Variants in MRGPRF observed in about 807,000 individuals in gnomAD.
MRGPRF encodes MAS related GPR family member F.
In MRGPRF, 2 loss-of-function variants were observed where a neutral mutation model predicts 3.3. The observed-to-expected ratio is 0.61, with a 90% confidence interval of 0.25 to 1.92. The LOEUF (loss-of-function observed/expected upper bound fraction) is 1.92, where lower values mean the gene tolerates loss of function less well. MRGPRF is among the 40% of genes most tolerant of loss of function. The pLI, the probability that MRGPRF is intolerant of heterozygous loss-of-function variation, is 0.16. For missense variants in MRGPRF, 500 were observed against 476.0 expected (o/e 1.05, Z -0.47); for synonymous variants, 242 against 222.7 (o/e 1.09, Z -0.77).
chr11:69,011,056 G>T (rs902555992), intron 1 of MRGPRF, among the ~76,000 whole-genome samples: 3 of 152,152 alleles, frequency 2.0e-5, no homozygotes, highest in Non-Finnish European at 4.4e-5. Context: ...CAAGGGGAGA[G>T]CTGGGCATCC....
In MRGPRF at chr11:69,005,950, C is replaced by A; in HGVS notation, c.360G>T (p.Arg120=). The part of the protein sequence containing the change: ...TFADYIRSVC[R]VLGLCMFLTG... ...TAAGGAACATGCAGAGCCCCAGGACCCGGCACACGCTGCGGATGTAGTCGG... is the reference window on the plus strand; with the variant it reads ...TAAGGAACATGCAGAGCCCCAGGACACGGCACACGCTGCGGATGTAGTCGG... Residue 120 remains arginine (R), a synonymous_variant, in exon 3 of 3, where the codon CGG becomes CGT. Coordinates refer to ENST00000309099, the MANE Select transcript of MRGPRF (RefSeq NM_145015.5). The A allele has an allele frequency of 6.4e-7, 1 of 1,570,760 alleles. No individual in the cohort carries two copies. The highest frequency in any genetic ancestry group is 2.3e-5 in the East Asian group (1 of 42,832).
At position 69,004,926 on chromosome 11, in the gene MRGPRF, G is replaced by A. The variant is rs1235403407; in HGVS notation, c.*352C>T. 3 of 257,356 alleles carry A rather than the reference G, an allele frequency of 1.2e-5. No homozygotes were observed. The highest frequency in any genetic ancestry group is 6.8e-5 in the African/African-American group (3 of 44,394). The allele number at this position is 257,356 out of a possible 1,614,324, so 15.9% of individuals were successfully genotyped here. A position where few individuals can be genotyped will look rare whatever the true frequency, so the allele number is the denominator to read the frequency against. ...GTGCTGGCTGGGACACAGTCAAGGA[G>A]GGCTGACCCAAGAGGCAGAGGTGGC... On this transcript the variant is annotated 3_prime_UTR_variant, in exon 3 of 3. Transcript: ENST00000309099.
At chr11:69,011,456 C>T (rs1860596280) in intron 1 of MRGPRF, among the ~76,000 whole-genome samples, 2 of 152,244 alleles carry the variant, frequency 1.3e-5, no homozygotes, top group Non-Finnish European at 1.5e-5. Flanking sequence ...GTGGGGGCAC[C>T]TTGTGTGCCG....
chr11:69,006,466 C>T (rs547993954), intron 2 of MRGPRF, among the ~76,000 whole-genome samples: 6 of 152,216 alleles, frequency 3.9e-5, no homozygotes, highest in African/African-American at 9.6e-5. Flanking sequence ...GTTAACTCTC[C>T]GTCCCAGCGT....
chr11:69,012,782 G>A (rs2154013102), intron 1 of MRGPRF, among the ~76,000 whole-genome samples: 1 of 152,282 alleles, frequency 6.6e-6, no homozygotes, highest in East Asian at 1.9e-4. Flanking sequence ...GGGGCTGGGG[G>A]TGAGGCCAGC....
chr11:69,009,582 G>C (rs1327880166), intron 2 of MRGPRF: 2 of 602,498 alleles, frequency 3.3e-6, no homozygotes. Context: ...GACCTTGCAA[G>C]GATGCTACAA....
At chr11:69,009,599 C>A (rs1464301186) in intron 2 of MRGPRF, 6 of 610,046 alleles carry the variant, frequency 9.8e-6, no homozygotes, top group African/African-American at 1.8e-5. Context: ...ACAAGGCGAC[C>A]ACAGTGTCAG....
chr11:69,007,698 A>T (rs951132544), intron 2 of MRGPRF, among the ~76,000 whole-genome samples: 3 of 152,132 alleles, frequency 2.0e-5, no homozygotes, highest in African/African-American at 7.2e-5. Flanking sequence ...ATCACTTGTA[A>T]GTTACATTTA....
At chr11:69,006,352 T>TGGGGGGGGGG in intron 2 of MRGPRF, 91 bp from the exon 3 acceptor site, 1 of 977,648 alleles carries the variant, frequency 1.0e-6, no homozygotes, top group East Asian at 2.9e-5. Context: ...AGGGGGGGGG[T>TGGGGGGGGGG]CCCAATTAGG....
At chr11:69,006,997 TCAA>T (rs1238664060) in intron 2 of MRGPRF, among the ~76,000 whole-genome samples, 2 of 152,188 alleles carry the variant, frequency 1.3e-5, no homozygotes, top group African/African-American at 2.4e-5. Context: ...ACGCTGGATC[TCAA>T]CAACTGCTGC....
rs745589039 is a variant in MRGPRF, at chr11:69,005,493, C to G, written c.817G>C (p.Glu273Gln). Residue 273 changes from glutamate to glutamine, a missense_variant, in exon 3 of 3, where the codon GAG becomes CAG. By Grantham distance (29) the Glu-to-Gln change is conservative (BLOSUM62 2). Coordinates refer to ENST00000309099, the MANE Select transcript of MRGPRF (RefSeq NM_145015.5). ...CAGATGCACAGGTCAGTGACGTACT[C>G]GGGGAAGGGGGCCGGGATCTGGAAG... ...WVFQIPAPFP[E>Q]YVTDLCICIN... 2.5e-6 allele frequency: 4 copies of G among 1,582,846 alleles called. No individual in the cohort carries two copies. Among genetic ancestry groups the G allele is most frequent in the Non-Finnish European group, 3.4e-6 (4 of 1,164,604 alleles).
At chr11:69,006,372 C>G in intron 2 of MRGPRF, 111 bp from the exon 3 acceptor site, 2 of 1,191,220 alleles carry the variant, frequency 1.7e-6, no homozygotes, top group South Asian at 3.1e-5. Flanking sequence ...GGACTTGGGG[C>G]AGGGAGGGGG....
chr11:69,011,752 G>T (rs1860602024), intron 1 of MRGPRF, among the ~76,000 whole-genome samples: 1 of 152,118 alleles, frequency 6.6e-6, no homozygotes, highest in African/African-American at 2.4e-5. Context: ...CCACCCCTAG[G>T]TCTGGGCCCC....
intron 1 of MRGPRF, 50 bp from the exon 2 acceptor site, chr11:69,010,007 C>A: frequency 7.9e-7 from 1 of 1,259,848 alleles, no homozygotes; most frequent in Non-Finnish European, 1.1e-6. Context: ...GGACCCCTCC[C>A]CTTCCTGGAC....
chr11:69,009,294 C>T (rs1285911535), intron 2 of MRGPRF: 1 of 337,696 alleles, frequency 3.0e-6, no homozygotes, highest in Non-Finnish European at 5.3e-6. Context: ...CGAAGGAAAT[C>T]CCAGAATTTT....
Position 69,010,141 on chromosome 11 carries a change from C to A in MRGPRF, c.-56-184G>T, listed in dbSNP as rs532022788. Reference sequence around the variant, plus strand: ...TCCTGGTGAGATTCTGGAGGTCACCCCTGGGGCACGGCCCCCTCCTGCCTG... The same window carrying A: ...TCCTGGTGAGATTCTGGAGGTCACCACTGGGGCACGGCCCCCTCCTGCCTG... On this transcript the variant is annotated intron_variant, in intron 1 of 2. Transcript: ENST00000309099. Among the ~76,000 whole-genome samples, 164 of 152,350 alleles carry A rather than the reference C, an allele frequency of 1.1e-3. 1 individual carries two copies. Among genetic ancestry groups the A allele is most frequent in the African/African-American group, 3.7e-3 (155 of 41,586 alleles).
At chr11:69,010,928 C>T (rs1163962629) in intron 1 of MRGPRF, among the ~76,000 whole-genome samples, 1 of 152,136 alleles carries the variant, frequency 6.6e-6, no homozygotes, top group African/African-American at 2.4e-5. Flanking sequence ...GCCCCTTCCC[C>T]GCAGAGAAGC....
rs760483076 is a variant in MRGPRF at position 69,005,330 on chromosome 11, G to A, written c.980C>T (p.Thr327Met). 1.4e-5 allele frequency: 21 copies of A among 1,555,442 alleles called. No individual in the cohort carries two copies. In the South Asian group the frequency reaches 1.4e-4, roughly 11 times the overall value. The change falls in exon 3 of 3, where the codon ACG becomes ATG. Residue 327 changes from threonine (T) to methionine (M), a missense_variant. Transcript: ENST00000309099. ...CATCTCCATGGTGACTGTGTTGGGC[G>A]TGCTGCCCCCGGCCTCCCCCAGCTC... ...GAELGEAGGSTPNTVTMEMQC... is the reference protein window; with the variant it reads ...GAELGEAGGSMPNTVTMEMQC...
At chr11:69,007,318 C>T (rs1054457345) in intron 2 of MRGPRF, among the ~76,000 whole-genome samples, 1 of 152,172 alleles carries the variant, frequency 6.6e-6, no homozygotes, top group African/African-American at 2.4e-5. Context: ...AGCAATTCTC[C>T]TGCCTCAGGC....
Sources: gnomAD v4.1 joint callset for allele counts (sites outside exome capture counted in the v4.1 genomes callset) on GRCh38, gnomAD v4.1.1 for gene constraint, MANE v1.5 for transcripts, NCBI Gene and HGNC (gene_info 2026-07-23, HGNC 2026-07-21) for gene names.